Variants in LRCH1 observed in about 807,000 individuals in gnomAD.
LRCH1 encodes leucine-rich repeat and calponin homology domain-containing protein 1.
Under a neutral mutation model 94.9 loss-of-function variants are expected in LRCH1, and 23 were observed. That is an observed-to-expected ratio of 0.24 (90% confidence interval 0.17 to 0.34). The LOEUF is 0.34. Among genes scored for constraint, LRCH1 ranks in the 10% least tolerant of loss-of-function variants. LRCH1 has a pLI of 1.00. For missense variants in LRCH1, 790 were observed against 945.9 expected, an observed-to-expected ratio of 0.84 and a Z score of 2.16; for synonymous variants, 364 against 354.9, an observed-to-expected ratio of 1.03 and a Z score of -0.29.
chr13:46,557,897 T>G (rs976771429), intron 1 of LRCH1, among the ~76,000 whole-genome samples: 1 of 152,060 alleles, frequency 6.6e-6, no homozygotes, highest in African/African-American at 2.4e-5. Flanking sequence ...AAATAAAAAA[T>G]TAGGCGGGTG....
chr13:46,646,299 C>T (rs987955885), intron 1 of LRCH1, among the ~76,000 whole-genome samples: 5 of 152,126 alleles, frequency 3.3e-5, no homozygotes, highest in Non-Finnish European at 5.9e-5. Flanking sequence ...CACACAATTA[C>T]ATATGTTATC....
At position 46,553,236 on chromosome 13, in the gene LRCH1, G is replaced by GC; in HGVS notation, c.-155dup. 1 of 283,174 alleles carries GC rather than the reference G, an allele frequency of 3.5e-6. No individual in the cohort carries two copies. Among genetic ancestry groups the GC allele is most frequent in the Non-Finnish European group, 6.5e-6 (1 of 154,004 alleles). 17.5% of individuals were successfully genotyped at this position (283,174 alleles called of 1,614,324 possible). ...AGCTGCCACGGCCGCCTCCCCGCCC[G>GC]CCCCCCATTCTACGCGCCTGCCCAC... On this transcript the variant is annotated 5_prime_UTR_variant, in exon 1 of 20. Coordinates refer to ENST00000389797, the MANE Select transcript of LRCH1 (RefSeq NM_001164211.2).
chr13:46,591,140 TG>T (rs1046698184), intron 1 of LRCH1, among the ~76,000 whole-genome samples: 4 of 152,228 alleles, frequency 2.6e-5, no homozygotes, highest in African/African-American at 9.6e-5. Flanking sequence ...TATACTTTTT[TG>T]TGTGCCCCGC....
At chr13:46,619,255 T>C (rs1246457334) in intron 1 of LRCH1, among the ~76,000 whole-genome samples, 1 of 151,908 alleles carries the variant, frequency 6.6e-6, no homozygotes, top group Non-Finnish European at 1.5e-5. Context: ...GGACTACAGG[T>C]ACCCTCCACT....
At position 46,727,921 on chromosome 13, in the gene LRCH1, CTTTTT is replaced by C. The variant is rs1555288189; in HGVS notation, c.1870-917_1870-913del. Among the ~76,000 whole-genome samples, 87 of 146,456 alleles carry C rather than the reference CTTTTT, an allele frequency of 5.9e-4. 1 individual carries two copies. The highest frequency in any genetic ancestry group is 3.6e-3 in the Admixed American group (54 of 14,952). On this transcript the variant is annotated intron_variant, in intron 17 of 19. Coordinates refer to ENST00000389797, the MANE Select transcript of LRCH1 (RefSeq NM_001164211.2). ...AAAACATTTCTTTCTTTCTTTCTTT[CTTTTT>C]TTTTTTTTGAGATGGGATCTCACTC...
chr13:46,669,253 T>C, intron 3 of LRCH1, 97 bp downstream of exon 3: 1 of 1,447,032 alleles, frequency 6.9e-7, no homozygotes, highest in Non-Finnish European at 9.4e-7. Context: ...TTGGACAAGG[T>C]AGAGCCTCTG....
intron 1 of LRCH1, among the ~76,000 whole-genome samples, chr13:46,599,970 C>T (rs750722161): frequency 5.3e-5 from 8 of 152,242 alleles, no homozygotes; most frequent in Non-Finnish European, 8.8e-5. Context: ...CGGTGGCTCA[C>T]GCCACCGATC....
At chr13:46,718,186 G>A (rs1330242116) in intron 16 of LRCH1, among the ~76,000 whole-genome samples, 1 of 152,182 alleles carries the variant, frequency 6.6e-6, no homozygotes, top group East Asian at 1.9e-4. Flanking sequence ...CAGTGAATTT[G>A]TAGGTGCTAA....
rs188504816 is a variant in LRCH1 at position 46,622,478 on chromosome 13, T to C, written c.308-27723T>C. On this transcript the variant is annotated intron_variant, in intron 1 of 19. Transcript: ENST00000389797. ...AAAATCAGTGCAAATCCTGACACTG[T>C]CTCTAGAAGCAGGCATTAACTTGCA... 9.8e-4 allele frequency among the ~76,000 whole-genome samples: 149 copies of C among 152,302 alleles called. 1 individual carries two copies. Among genetic ancestry groups the C allele is most frequent in the Non-Finnish European group, 1.4e-3 (93 of 68,026 alleles).
At chr13:46,669,375 G>C (rs1468444978) in intron 3 of LRCH1, among the ~76,000 whole-genome samples, 2 of 152,182 alleles carry the variant, frequency 1.3e-5, no homozygotes, top group Non-Finnish European at 2.9e-5. Flanking sequence ...GTAATTTACA[G>C]CTCCTGAAGT....
intron 8 of LRCH1, among the ~76,000 whole-genome samples, chr13:46,694,362 T>C (rs2138166306): frequency 6.6e-6 from 1 of 152,344 alleles, no homozygotes; most frequent in South Asian, 2.1e-4. Context: ...CTGTCACCTC[T>C]GTGTGGCCCT....
At position 46,723,261 on chromosome 13, in the gene LRCH1, G is replaced by A. The variant is rs1405969518; in HGVS notation, c.1800G>A (p.Pro600=). The part of the protein sequence containing the change: ...RPQRNLESID[P]QFTIRRKMEQ... ...AGAGAAATTTGGAATCTATAGACCC[G>A]CAGTTTACAATCCGGAGGAAAATGG... is the stretch of plus-strand genomic sequence containing the variant. The change falls in exon 17 of 20, where the codon CCG becomes CCA. Residue 600 remains proline, a synonymous_variant. Transcript: ENST00000389797. 6.8e-6 allele frequency: 11 copies of A among 1,613,670 alleles called. No individual in the cohort carries two copies. The highest frequency in any genetic ancestry group is 4.4e-5 in the South Asian group (4 of 91,066).
intron 17 of LRCH1, among the ~76,000 whole-genome samples, chr13:46,724,432 C>T (rs531945452): frequency 1.3e-5 from 2 of 152,272 alleles, no homozygotes; most frequent in African/African-American, 4.8e-5. Flanking sequence ...TACCCCAAAC[C>T]GACCAGAGAT....
rs78786732 is a variant in LRCH1 at position 46,695,555 on chromosome 13, A to G, written c.1245+538A>G. 9.2e-3 allele frequency among the ~76,000 whole-genome samples: 1,407 copies of G among 152,298 alleles called. 18 individuals carry two copies. The highest frequency in any genetic ancestry group is 0.032 in the African/African-American group (1,316 of 41,580). On this transcript the variant is annotated intron_variant, in intron 9 of 19. Transcript: ENST00000389797. Reference sequence around the variant, plus strand: ...CATCTTGGCAGCAACAAAGGGAGGAAAGAAAAATTAGCCCTTTACTGAAGC... The same window carrying G: ...CATCTTGGCAGCAACAAAGGGAGGAGAGAAAAATTAGCCCTTTACTGAAGC...
At chr13:46,667,538 A>AG (rs66820930) in intron 2 of LRCH1, among the ~76,000 whole-genome samples, 1 of 101,412 alleles carries the variant, frequency 9.9e-6, no homozygotes, top group African/African-American at 4.1e-5. Flanking sequence ...GGGTGGGGGG[A>AG]GGGGGGGAGG....
chr13:46,618,635 C>T (rs1263675078), intron 1 of LRCH1, among the ~76,000 whole-genome samples: 3 of 152,220 alleles, frequency 2.0e-5, no homozygotes, highest in Non-Finnish European at 4.4e-5. Context: ...GGACGTTACA[C>T]TACAATGTAG....
At chr13:46,728,743 T>C (rs2138228880) in intron 17 of LRCH1, 104 bp from the exon 18 acceptor site, 1 of 1,064,272 alleles carries the variant, frequency 9.4e-7, no homozygotes, top group South Asian at 2.2e-5. Context: ...CCTTATTTCC[T>C]ATGATGAAAT....
chr13:46,639,664 G>A (rs1238614435), intron 1 of LRCH1, among the ~76,000 whole-genome samples: 2 of 152,120 alleles, frequency 1.3e-5, no homozygotes, highest in Admixed American at 6.6e-5. Context: ...CATGATTGCT[G>A]TTGGCCTGCT....
intron 2 of LRCH1, among the ~76,000 whole-genome samples, chr13:46,661,172 G>A (rs2051443028): frequency 6.6e-6 from 1 of 152,152 alleles, no homozygotes; most frequent in Admixed American, 6.5e-5. Context: ...AGGCTGCACT[G>A]TGTAGAGGGG....
Sources: gnomAD v4.1 joint callset for allele counts (sites outside exome capture counted in the v4.1 genomes callset) on GRCh38, gnomAD v4.1.1 for gene constraint, MANE v1.5 for transcripts, NCBI Gene and HGNC (gene_info 2026-07-23, HGNC 2026-07-21) for gene names.